The following GPHN variants were observed in gnomAD, a reference collection of about 807,000 sequenced individuals.
The protein encoded by GPHN is gephyrin.
GPHN carries 17 observed loss-of-function variants against 95.5 expected under a neutral mutation model. That is an observed-to-expected ratio of 0.18 (90% CI 0.12 to 0.27). The LOEUF (loss-of-function observed/expected upper bound fraction) is 0.27, where lower values mean the gene tolerates loss of function less well. Ranked by LOEUF, GPHN falls within the 10% of genes least tolerant of loss-of-function variation. GPHN has a pLI of 1.00. For synonymous variants in GPHN, 320 were observed against 322.5 expected (o/e 0.99, Z 0.08); for missense variants, 660 against 978.1 (o/e 0.67, Z 4.34).
the GPHN span, among the ~76,000 whole-genome samples, chr14:67,325,590 A>ACT: frequency 6.6e-6 from 1 of 152,204 alleles, no homozygotes. Context: ...TGTAAAATTT[A>ACT]GTGTCCAATA....
At chr14:67,573,978 G>A in the GPHN span, 463 of 927,992 alleles carry the variant, frequency 5.0e-4, 1 homozygote, top group African/African-American at 6.5e-3. The surrounding 1 kb of genome is among the most constrained non-coding windows in gnomAD (Gnocchi z 4.8). Flanking sequence ...GGCCAAATGA[G>A]CATGAATGAA....
intron 8 of GPHN, among the ~76,000 whole-genome samples, chr14:66,936,161 C>G (rs1478793714): frequency 6.6e-6 from 1 of 152,060 alleles, no homozygotes; most frequent in Non-Finnish European, 1.5e-5. Context: ...GGCGGATCAC[C>G]TGAGGTCAGG....
chr14:67,094,432 A>C (rs1243960620), intron 12 of GPHN, among the ~76,000 whole-genome samples: 1 of 152,180 alleles, frequency 6.6e-6, no homozygotes, highest in Non-Finnish European at 1.5e-5. Flanking sequence ...ATTAAATTCT[A>C]CAGTTGCAAA....
chr14:66,552,222 A>G (rs1221275790), intron 1 of GPHN, among the ~76,000 whole-genome samples: 4 of 152,166 alleles, frequency 2.6e-5, no homozygotes, highest in Admixed American at 6.5e-5. Context: ...GAACAGTCCC[A>G]TCTCATCAGA....
At chr14:66,678,275 T>TG (rs1454141707) in intron 1 of GPHN, among the ~76,000 whole-genome samples, 4 of 76,216 alleles carry the variant, frequency 5.2e-5, no homozygotes, top group African/African-American at 4.0e-4. Flanking sequence ...TTATTCATTC[T>TG]TTTTTAAATT....
the GPHN span, chr14:67,472,996 G>T: frequency 5.1e-6 from 1 of 197,962 alleles, no homozygotes; most frequent in Non-Finnish European, 1.0e-5. Context: ...CCTGAATATT[G>T]CCTAATGGAA....
At chr14:67,589,707 A>G in the GPHN span, 1 of 999,702 alleles carries the variant, frequency 1.0e-6, no homozygotes, top group Non-Finnish European at 1.2e-6. Context: ...TGGAAAATAT[A>G]GCTTTCTCAA....
intron 21 of GPHN, among the ~76,000 whole-genome samples, chr14:67,173,865 A>T (rs533879663): frequency 2.4e-5 from 3 of 123,310 alleles, no homozygotes; most frequent in Non-Finnish European, 6.1e-5. Flanking sequence ...TAGGAATCAT[A>T]AAAAAAAACA....
chr14:67,095,998 C>T (rs2077373817), intron 12 of GPHN, among the ~76,000 whole-genome samples: 1 of 131,212 alleles, frequency 7.6e-6, no homozygotes, highest in South Asian at 2.7e-4. Context: ...AATTTAGAAT[C>T]TCAGACCTTG....
chr14:67,355,562 G>A, the GPHN span, among the ~76,000 whole-genome samples: 6 of 150,844 alleles, frequency 4.0e-5, no homozygotes, highest in Admixed American at 1.3e-4. Context: ...AAGCAAACAT[G>A]GTGTTCACTT....
In GPHN at chr14:66,519,854, A is replaced by G. The variant is rs560230592; in HGVS notation, c.64+11263A>G. On this transcript the variant is annotated intron_variant, in intron 1 of 22. Transcript: ENST00000478722. ...GCCTATTCATTTAATCCTCGTAATA[A>G]TATGTTAGTGTTGTCACCATTTTAC... is the stretch of plus-strand genomic sequence containing the variant. Among the ~76,000 whole-genome samples, 34 of 152,258 alleles carry G rather than the reference A, an allele frequency of 2.2e-4. 1 individual carries two copies. The highest frequency in any genetic ancestry group is 1.0e-3 in the Admixed American group (16 of 15,280).
chr14:67,213,517 G>GTTTT, the GPHN span, among the ~76,000 whole-genome samples: 2 of 151,608 alleles, frequency 1.3e-5, no homozygotes, highest in Non-Finnish European at 2.9e-5. Context: ...TGGCTGCATA[G>GTTTT]TATTCCATGG....
Position 66,724,368 on chromosome 14 carries a change from G to A in GPHN, c.143+43183G>A, listed in dbSNP as rs77007886. On this transcript the variant is annotated intron_variant, in intron 2 of 22. Coordinates refer to ENST00000478722, the MANE Select transcript of GPHN (RefSeq NM_020806.5). ...ACAAAACTTCAGACAAGTGACTAAGGAGACATCTAGCAGCTGTTCAGTTTT... is the reference window on the plus strand; with the variant it reads ...ACAAAACTTCAGACAAGTGACTAAGAAGACATCTAGCAGCTGTTCAGTTTT... 3.6e-3 allele frequency among the ~76,000 whole-genome samples: 555 copies of A among 152,234 alleles called. 11 individuals are homozygous for A. The highest frequency in any genetic ancestry group is 0.013 in the African/African-American group (528 of 41,524).
the GPHN span, among the ~76,000 whole-genome samples, chr14:67,425,622 TG>T: frequency 6.6e-6 from 1 of 152,144 alleles, no homozygotes; most frequent in Non-Finnish European, 1.5e-5. Context: ...ACAAAGCAGG[TG>T]AACCAGTTGG....
chr14:67,279,673 T>C, the GPHN span: 1 of 824,020 alleles, frequency 1.2e-6, no homozygotes, highest in Non-Finnish European at 1.8e-6. Flanking sequence ...TCCTTTGTTT[T>C]CGTGGAAACG....
At chr14:67,157,208 C>T (rs1412676611) in intron 18 of GPHN, among the ~76,000 whole-genome samples, 1 of 151,860 alleles carries the variant, frequency 6.6e-6, no homozygotes, top group Non-Finnish European at 1.5e-5. Context: ...TCTTATAATA[C>T]ATTTTTATGT....
the GPHN span, chr14:67,571,573 T>A: frequency 1.8e-6 from 1 of 566,596 alleles, no homozygotes; most frequent in Non-Finnish European, 3.2e-6. Flanking sequence ...CTGAGAAGCA[T>A]GGAGGTCATG....
At chr14:67,604,186 T>C in the GPHN span, among the ~76,000 whole-genome samples, 2 of 152,200 alleles carry the variant, frequency 1.3e-5, no homozygotes, top group Admixed American at 6.5e-5. Flanking sequence ...AGAATGTCTG[T>C]TCCATCTTTC....
chr14:66,729,110 A>G (rs2071522000), intron 2 of GPHN, among the ~76,000 whole-genome samples: 1 of 152,230 alleles, frequency 6.6e-6, no homozygotes, highest in South Asian at 2.1e-4. Context: ...CCATCCACAT[A>G]TAAAACATGG....
Sources: gnomAD v4.1 joint callset for allele counts (sites outside exome capture counted in the v4.1 genomes callset) on GRCh38, gnomAD v4.1.1 for gene constraint, Gnocchi (gnomAD v3.1) non-coding constraint, MANE v1.5 for transcripts, NCBI Gene and HGNC (gene_info 2026-07-23, HGNC 2026-07-21) for gene names.